ADARB2: variants seen among roughly 807,000 people sequenced by gnomAD.
The protein encoded by ADARB2 is inactive double-stranded RNA-specific editase B2.
A neutral mutation model predicts 62.2 loss-of-function variants in ADARB2; 25 were observed. That is an observed-to-expected ratio of 0.40 (90% CI 0.29 to 0.56). The LOEUF (loss-of-function observed/expected upper bound fraction) is 0.56. ADARB2 is among the 20% of genes least tolerant of loss of function. The pLI, the probability that ADARB2 is intolerant of heterozygous loss-of-function variation, is 0.43. For missense variants in ADARB2, 1,071 were observed against 1,077.4 expected, an observed-to-expected ratio of 0.99 and a Z score of 0.08; for synonymous variants, 572 against 500.8, an observed-to-expected ratio of 1.14 and a Z score of -1.90.
In ADARB2 at chr10:1,631,320, G is replaced by A. The variant is rs998823465; in HGVS notation, c.100+105731C>T. ...TACCTGGCACCGAGACAGGCTGGAC[G>A]CGGCAGGGAACAGCTCACCCAGCTT... On this transcript the variant is annotated intron_variant, in intron 1 of 9. Coordinates refer to ENST00000381312, the MANE Select transcript of ADARB2 (RefSeq NM_018702.4). Among the ~76,000 whole-genome samples, 15 of 151,936 alleles carry A rather than the reference G, an allele frequency of 9.9e-5. No individual in the cohort carries two copies. The South Asian group carries it at 1.3e-3, about 13-fold the overall frequency.
chr10:1,496,173 T>A (rs1037711027), intron 1 of ADARB2, among the ~76,000 whole-genome samples: 3 of 151,736 alleles, frequency 2.0e-5, no homozygotes, highest in African/African-American at 7.3e-5. Flanking sequence ...ATCATCACCA[T>A]CATCATCATA....
rs1022930729 is a variant in ADARB2, at chr10:1,614,827, C to T, written c.100+122224G>A. ...TCGGGAGGCTGAGGCAGGAGAATGG[C>T]GTGAACCTGGGAGGCGGAGCTTGCA... On this transcript the variant is annotated intron_variant, in intron 1 of 9. Coordinates refer to ENST00000381312, the MANE Select transcript of ADARB2 (RefSeq NM_018702.4). Among the ~76,000 whole-genome samples, 9 of 151,990 alleles carry T rather than the reference C, an allele frequency of 5.9e-5. No individual in the cohort carries two copies. In the East Asian group the frequency reaches 1.2e-3, roughly 20 times the overall value.
rs115467418 is a variant in ADARB2, at chr10:1,231,854, C to T, written c.1513+1840G>A. Among the ~76,000 whole-genome samples, 393 of 152,272 alleles carry T rather than the reference C, an allele frequency of 2.6e-3. 3 individuals carry two copies. The highest frequency in any genetic ancestry group is 8.2e-3 in the African/African-American group (339 of 41,544). ...AGGAGGAGGAATGTTTCTGGGCCAG[C>T]ATCCCATGTGAGGACTGCAGAATCA... On this transcript the variant is annotated intron_variant, in intron 6 of 9. Transcript: ENST00000381312.
chr10:1,470,029 G>A (rs1194724237), intron 1 of ADARB2, among the ~76,000 whole-genome samples: 1 of 152,142 alleles, frequency 6.6e-6, no homozygotes, highest in Non-Finnish European at 1.5e-5. Flanking sequence ...TTTGTCAAGG[G>A]AACAACAGAG....
At chr10:1,377,870 C>G (rs1417597132) in intron 2 of ADARB2, among the ~76,000 whole-genome samples, 2 of 152,144 alleles carry the variant, frequency 1.3e-5, no homozygotes, top group Non-Finnish European at 2.9e-5. Flanking sequence ...CCTCCATTTC[C>G]AGTATAGTTA....
intron 1 of ADARB2, among the ~76,000 whole-genome samples, chr10:1,710,695 GCC>G (rs1834939985): frequency 1.3e-5 from 2 of 152,210 alleles, no homozygotes; most frequent in African/African-American, 4.8e-5. Flanking sequence ...CACGAGGAAT[GCC>G]GTTGGGCACC....
At chr10:1,693,935 A>G (rs1834704450) in intron 1 of ADARB2, among the ~76,000 whole-genome samples, 1 of 152,246 alleles carries the variant, frequency 6.6e-6, no homozygotes, top group South Asian at 2.1e-4. Context: ...GGGTTTCCCA[A>G]AGTGTGTACC....
intron 1 of ADARB2, among the ~76,000 whole-genome samples, chr10:1,411,745 T>G (rs1174713189): frequency 6.6e-6 from 1 of 152,136 alleles, no homozygotes; most frequent in Non-Finnish European, 1.5e-5. Flanking sequence ...TGTAGGTGCT[T>G]CCTGAAACGC....
intron 3 of ADARB2, among the ~76,000 whole-genome samples, chr10:1,289,852 C>A (rs752863921): frequency 6.6e-6 from 1 of 152,348 alleles, no homozygotes; most frequent in South Asian, 2.1e-4. Context: ...GGTAGGCGTT[C>A]GCCAAACAAT....
At chr10:1,598,613 C>T (rs898393420) in intron 1 of ADARB2, among the ~76,000 whole-genome samples, 27 of 152,126 alleles carry the variant, frequency 1.8e-4, no homozygotes, top group African/African-American at 2.9e-4. Context: ...CACACAATTC[C>T]GGAAGATCCT....
At chr10:1,374,685 G>A (rs547601130) in intron 2 of ADARB2, among the ~76,000 whole-genome samples, 67 of 152,308 alleles carry the variant, frequency 4.4e-4, no homozygotes, top group African/African-American at 1.6e-3. Context: ...CCCGCCGTCC[G>A]TCCTCTGCTG....
chr10:1,560,175 G>A (rs1588302970), intron 1 of ADARB2, among the ~76,000 whole-genome samples: 1 of 152,264 alleles, frequency 6.6e-6, no homozygotes, highest in African/African-American at 2.4e-5. Context: ...AGAGCCAAAT[G>A]TTTGTGTTTT....
chr10:1,438,863 CCCAGGA>C (rs1830867482), intron 1 of ADARB2, among the ~76,000 whole-genome samples: 1 of 101,748 alleles, frequency 9.8e-6, no homozygotes, highest in Non-Finnish European at 2.0e-5. Context: ...CTGAGTCTCC[CCCAGGA>C]TGGAGGCAGG....
chr10:1,512,197 C>G (rs1389754694), intron 1 of ADARB2, among the ~76,000 whole-genome samples: 4 of 150,860 alleles, frequency 2.7e-5, no homozygotes, highest in African/African-American at 4.9e-5. Flanking sequence ...TGGATACCAA[C>G]ATATGGATGG....
chr10:1,239,820 CCCTCCCGGTGTTTACTCCCCCCTG>C (rs1830890832), intron 5 of ADARB2, among the ~76,000 whole-genome samples: 1 of 3,668 alleles, frequency 2.7e-4, no homozygotes, highest in Non-Finnish European at 4.5e-4. Flanking sequence ...ACTCCCCTCT[CCCTCCCGGTGTTTACTCCCCCCTG>C]CCTCCCGGTG....
intron 8 of ADARB2, among the ~76,000 whole-genome samples, chr10:1,197,974 G>A (rs550249034): frequency 6.6e-6 from 1 of 152,190 alleles, no homozygotes; most frequent in Admixed American, 6.5e-5. Flanking sequence ...CCATCATTTT[G>A]TTCATCTTAC....
chr10:1,287,207 C>T (rs190057805), intron 3 of ADARB2, among the ~76,000 whole-genome samples: 62 of 152,208 alleles, frequency 4.1e-4, no homozygotes, highest in African/African-American at 1.4e-3. Flanking sequence ...ACCTGAATAA[C>T]GAGTTGAATC....
At chr10:1,322,977 C>A (rs1831808437) in intron 3 of ADARB2, among the ~76,000 whole-genome samples, 1 of 152,194 alleles carries the variant, frequency 6.6e-6, no homozygotes, top group South Asian at 2.1e-4. Flanking sequence ...TGACACTACC[C>A]TGATACACTT....
chr10:1,327,758 C>T (rs546247709), intron 3 of ADARB2, among the ~76,000 whole-genome samples: 7 of 146,756 alleles, frequency 4.8e-5, no homozygotes, highest in Admixed American at 3.4e-4. Flanking sequence ...CACTGCACAG[C>T]GCCTCCTCAC....
Sources: allele counts gnomAD v4.1 joint callset (sites outside exome capture counted in the v4.1 genomes callset), GRCh38; gene constraint gnomAD v4.1.1; transcripts MANE v1.5; gene names NCBI Gene and HGNC (gene_info 2026-07-23, HGNC 2026-07-21).